The following FBP1 variants were observed in gnomAD, a reference collection of about 807,000 sequenced individuals.
FBP1 encodes fructose-1,6-bisphosphatase 1.
Under a neutral mutation model 29.9 loss-of-function variants are expected in FBP1, and 22 were observed. The observed-to-expected ratio is 0.74, with a 90% CI of 0.53 to 1.05. The LOEUF is 1.05. Ranked by LOEUF, FBP1 falls within the 50% of genes least tolerant of loss-of-function variation. The pLI is 0.00. For missense variants in FBP1, 345 were observed against 448.2 expected, an observed-to-expected ratio of 0.77 and a Z score of 2.08; for synonymous variants, 175 against 178.6, an observed-to-expected ratio of 0.98 and a Z score of 0.16.
intron 1 of FBP1, among the ~76,000 whole-genome samples, chr9:94,621,189 G>A (rs1827942198): frequency 7.7e-6 from 1 of 130,112 alleles, no homozygotes. Flanking sequence ...ATGCCAGCCT[G>A]GGCGACAGAG....
chr9:94,639,122 C>G lies in FBP1; in HGVS notation c.170+19G>C. The G allele has an allele frequency of 6.3e-7, 1 of 1,583,292 alleles. No homozygotes were observed. The highest frequency in any genetic ancestry group is 8.6e-7 in the Non-Finnish European group (1 of 1,166,176). On this transcript the variant is annotated intron_variant, in intron 1 of 6. Transcript: ENST00000375326. ...GGCAGACAGACAGGACGGGGCCCAC[C>G]GCCCAAGGCCCGACTCACAGGTGCG...
Position 94,639,449 on chromosome 9 carries a change from C to T in FBP1, c.-139G>A, listed in dbSNP as rs1828252065. On this transcript the variant is annotated 5_prime_UTR_variant, in exon 1 of 7. Transcript: ENST00000375326. Reference sequence around the variant, plus strand: ...CGGGCGGCAGGTGCGGGCCGCGGGACCTGGCGGGAGGACTGACAGACCGAC... The same window carrying T: ...CGGGCGGCAGGTGCGGGCCGCGGGATCTGGCGGGAGGACTGACAGACCGAC... 1 of 993,316 alleles carries T rather than the reference C, an allele frequency of 1.0e-6. No homozygotes were observed. The highest frequency in any genetic ancestry group is 1.5e-6 in the Non-Finnish European group (1 of 652,514). The allele number at this position is 993,316 out of a possible 1,614,324, so 61.5% of individuals were successfully genotyped here.
intron 1 of FBP1, among the ~76,000 whole-genome samples, chr9:94,630,444 A>T (rs1351473788): frequency 3.9e-5 from 6 of 152,170 alleles, no homozygotes; most frequent in Admixed American, 3.9e-4. Context: ...AGGAAACTAG[A>T]GTGTAATGGT....
Position 94,633,472 on chromosome 9 carries a change from A to G in FBP1, c.170+5669T>C, listed in dbSNP as rs532063597. Among the ~76,000 whole-genome samples, 142 of 152,276 alleles carry G rather than the reference A, an allele frequency of 9.3e-4. 1 individual carries two copies. The South Asian group carries it at 0.028, about 30-fold the overall frequency. On this transcript the variant is annotated intron_variant, in intron 1 of 6. Coordinates refer to ENST00000375326, the MANE Select transcript of FBP1 (RefSeq NM_000507.4). The stretch of plus-strand genomic sequence containing the variant: ...ACCCTTGCCATTTGATGCTTCCCCA[A>G]TGTACCCACAATTTCACATCCACGA...
intron 1 of FBP1, among the ~76,000 whole-genome samples, chr9:94,627,092 G>A (rs1376985124): frequency 6.6e-6 from 1 of 151,900 alleles, no homozygotes; most frequent in Non-Finnish European, 1.5e-5. Context: ...GGAGGCTGAG[G>A]CAGGAGAATC....
At chr9:94,637,261 C>A (rs1304193707) in intron 1 of FBP1, among the ~76,000 whole-genome samples, 1 of 152,124 alleles carries the variant, frequency 6.6e-6, no homozygotes, top group Non-Finnish European at 1.5e-5. Context: ...GGGACCAAAG[C>A]CAGACAGCCT....
intron 1 of FBP1, among the ~76,000 whole-genome samples, chr9:94,633,568 C>A (rs1828142483): frequency 6.6e-6 from 1 of 152,192 alleles, no homozygotes; most frequent in Non-Finnish European, 1.5e-5. Flanking sequence ...ACTTTCCCAC[C>A]TCAGGACTCC....
At chr9:94,623,063 C>T (rs1016079019) in intron 1 of FBP1, among the ~76,000 whole-genome samples, 8 of 152,118 alleles carry the variant, frequency 5.3e-5, no homozygotes, top group Admixed American at 2.0e-4. Context: ...CGGCTCACTG[C>T]AACCTCCGCC....
chr9:94,638,311 C>G (rs1239080802), intron 1 of FBP1, among the ~76,000 whole-genome samples: 1 of 152,086 alleles, frequency 6.6e-6, no homozygotes, highest in Non-Finnish European at 1.5e-5. Flanking sequence ...AGGACCTGTC[C>G]CAGAGCTATG....
intron 1 of FBP1, among the ~76,000 whole-genome samples, chr9:94,623,761 C>T (rs555446619): frequency 1.3e-5 from 2 of 152,328 alleles, no homozygotes; most frequent in Admixed American, 1.3e-4. Context: ...CTGCTGTGCA[C>T]GGGGAACCGT....
chr9:94,624,263 G>C (rs1025939514), intron 1 of FBP1, among the ~76,000 whole-genome samples: 3 of 150,764 alleles, frequency 2.0e-5, no homozygotes, highest in Non-Finnish European at 4.4e-5. Flanking sequence ...GCGTGAACCC[G>C]GGAGGCGGAG....
chr9:94,632,182 G>A (rs1305595217), intron 1 of FBP1, among the ~76,000 whole-genome samples: 2 of 152,064 alleles, frequency 1.3e-5, no homozygotes, highest in Non-Finnish European at 2.9e-5. Context: ...ACAGCTGAGA[G>A]GACCCCATAT....
At position 94,639,014 on chromosome 9, in the gene FBP1, C is replaced by T. The variant is rs913944821; in HGVS notation, c.170+127G>A. 4.2e-6 allele frequency: 4 copies of T among 943,092 alleles called. No homozygotes were observed. The East Asian group carries it at 7.8e-5, about 18-fold the overall frequency. 58.4% of individuals were successfully genotyped at this position (943,092 alleles called of 1,614,324 possible). A position where few individuals can be genotyped will look rare whatever the true frequency, so the allele number is the denominator to read the frequency against. ...GCTACCAGACAGAGAGCGAGAGAGG[C>T]GCTCAGACATCAGACGGACAGACAG... On this transcript the variant is annotated intron_variant, in intron 1 of 6. Coordinates refer to ENST00000375326, the MANE Select transcript of FBP1 (RefSeq NM_000507.4).
intron 3 of FBP1, 35 bp downstream of exon 3, chr9:94,617,733 T>C (rs1304164837): frequency 1.4e-6 from 2 of 1,386,886 alleles, no homozygotes; most frequent in African/African-American, 2.8e-5. Context: ...TTAACTTCTG[T>C]CCCCAAACCA....
intron 1 of FBP1, among the ~76,000 whole-genome samples, chr9:94,629,246 C>T (rs5006546): frequency 6.6e-6 from 1 of 152,116 alleles, no homozygotes; most frequent in Non-Finnish European, 1.5e-5. Context: ...TCCCAAAGTG[C>T]TGGGATTACA....
At chr9:94,614,426 G>C (rs1267925448) in intron 3 of FBP1, among the ~76,000 whole-genome samples, 1 of 152,046 alleles carries the variant, frequency 6.6e-6, no homozygotes, top group Non-Finnish European at 1.5e-5. Context: ...TGTAGTCCCA[G>C]CTACTCAGGA....
intron 2 of FBP1, among the ~76,000 whole-genome samples, chr9:94,619,584 A>T (rs1827912685): frequency 6.6e-6 from 1 of 152,140 alleles, no homozygotes; most frequent in Non-Finnish European, 1.5e-5. Flanking sequence ...CTCAAAAAGC[A>T]GAGATAACGC....
intron 3 of FBP1, among the ~76,000 whole-genome samples, chr9:94,616,195 A>G (rs1484852241): frequency 2.0e-5 from 3 of 152,096 alleles, no homozygotes; most frequent in African/African-American, 4.8e-5. Flanking sequence ...CAACCTCTTC[A>G]GTCGATTCCA....
In FBP1 at chr9:94,617,768, C is replaced by T. The variant is rs757697036; in HGVS notation, c.426G>A (p.Lys142=). 3 of 1,605,866 alleles carry T rather than the reference C, an allele frequency of 1.9e-6. No individual in the cohort carries two copies. The Admixed American group carries it at 5.0e-5, about 27-fold the overall frequency. ...AAGTGCTTAAGATATCACGTTTTAC[C>T]TTTCTATAGATGCCAAAAATGGTTC... ...SVGTIFGIYR[K]KSTDEPSEKD... is the part of the protein sequence containing the mutation. The change falls in exon 3 of 7, where the codon AAG becomes AAA. Residue 142 remains lysine (K), a splice_region_variant and synonymous_variant. Coordinates refer to ENST00000375326, the MANE Select transcript of FBP1 (RefSeq NM_000507.4).
Sources: allele counts gnomAD v4.1 joint callset (sites outside exome capture counted in the v4.1 genomes callset), GRCh38; gene constraint gnomAD v4.1.1; transcripts MANE v1.5; gene names NCBI Gene and HGNC (gene_info 2026-07-23, HGNC 2026-07-21).